RPH3AL: variants seen among roughly 807,000 people sequenced by gnomAD.
RPH3AL encodes rabphilin 3A like (without C2 domains).
A neutral mutation model predicts 43.1 loss-of-function variants in RPH3AL; 38 were observed. The ratio of observed to expected loss-of-function variants is 0.88; its 90% CI spans 0.68 to 1.15. The LOEUF (loss-of-function observed/expected upper bound fraction) is 1.15, where lower values mean the gene tolerates loss of function less well. Ranked by LOEUF, RPH3AL falls within the 50% of genes most tolerant of loss-of-function variation. The pLI is 0.00. For synonymous variants in RPH3AL, 189 were observed against 176.3 expected, an observed-to-expected ratio of 1.07 and a Z score of -0.57; for missense variants, 462 against 423.2, an observed-to-expected ratio of 1.09 and a Z score of -0.81.
chr17:282,374 C>T (rs1292840301), intron 5 of RPH3AL, among the ~76,000 whole-genome samples: 1 of 152,196 alleles, frequency 6.6e-6, no homozygotes, highest in East Asian at 1.9e-4. Context: ...TTTGGGCCCA[C>T]GTTATAGGTG....
At chr17:252,443 T>C (rs781802292) in intron 6 of RPH3AL, among the ~76,000 whole-genome samples, 3 of 152,098 alleles carry the variant, frequency 2.0e-5, no homozygotes, top group Non-Finnish European at 2.9e-5. Context: ...ACACTATTTG[T>C]TTTTTGTTTT....
Position 253,428 on chromosome 17 carries a change from G to C in RPH3AL, c.439-6143C>G, listed in dbSNP as rs556684692. On this transcript the variant is annotated intron_variant, in intron 6 of 9. Transcript: ENST00000331302. ...CCTCATCTGTGCCAGTGAGTCCTCA[G>C]CTCATGGACTTCCGAGCTGCTCCTT... Among the ~76,000 whole-genome samples the C allele has an allele frequency of 7.2e-5, 11 of 152,334 alleles. No homozygotes were observed. The South Asian group carries it at 1.9e-3, about 26-fold the overall frequency.
At chr17:280,109 C>A (rs1047117569) in intron 6 of RPH3AL, among the ~76,000 whole-genome samples, 10 of 152,230 alleles carry the variant, frequency 6.6e-5, no homozygotes, top group African/African-American at 2.4e-4. Context: ...AGATCTATAT[C>A]TCCATGGATC....
At position 314,490 on chromosome 17, in the gene RPH3AL, GTCCCTAT is replaced by G. The variant is rs1567507011; in HGVS notation, c.351+4923_351+4929del. ...ATGCCCCCACCTCCATTGACCTGTA[GTCCCTAT>G]ACTCCACGTCCATTGACCTGTAGTC... On this transcript the variant is annotated intron_variant, in intron 5 of 9. Transcript: ENST00000331302. Among the ~76,000 whole-genome samples the G allele has an allele frequency of 7.5e-4, 102 of 136,830 alleles. 1 individual carries two copies. The highest frequency in any genetic ancestry group is 3.9e-3 in the Middle Eastern group (1 of 254). 89.8% of individuals were successfully genotyped at this position (136,830 alleles called of 152,430 possible). A position where few individuals can be genotyped will look rare whatever the true frequency, so the allele number is the denominator to read the frequency against.
intron 5 of RPH3AL, among the ~76,000 whole-genome samples, chr17:317,088 A>G (rs2044271967): frequency 7.5e-6 from 1 of 132,660 alleles, no homozygotes; most frequent in Admixed American, 7.9e-5. Flanking sequence ...TCTGTGCTCC[A>G]CCTCCAGTGA....
In RPH3AL at chr17:297,541, C is replaced by T. The variant is rs78231248; in HGVS notation, c.352-15687G>A. 1.3e-3 allele frequency among the ~76,000 whole-genome samples: 199 copies of T among 152,330 alleles called. 1 individual carries two copies. The highest frequency in any genetic ancestry group is 2.1e-3 in the Non-Finnish European group (144 of 68,030). ...TGAGCACAGCCCACTGGAGAATGTG[C>T]TGCGGATCGGGCGTGGGTGGGAGAA... On this transcript the variant is annotated intron_variant, in intron 5 of 9. Coordinates refer to ENST00000331302, the MANE Select transcript of RPH3AL (RefSeq NM_006987.4).
intron 6 of RPH3AL, among the ~76,000 whole-genome samples, chr17:276,112 G>A (rs925765479): frequency 1.3e-5 from 2 of 152,152 alleles, no homozygotes; most frequent in African/African-American, 2.4e-5. Context: ...GAGACAGTTG[G>A]GAGCACCAAT....
At chr17:242,713 CCTTCCTCTATTGACTA>C (rs1567576818) in intron 7 of RPH3AL, among the ~76,000 whole-genome samples, 503 of 39,122 alleles carry the variant, frequency 0.013, 12 homozygotes, top group South Asian at 0.027. Flanking sequence ...CTATTGATTA[CCTTCCTCTATTGACTA>C]CCTTCCTCTA....
At chr17:239,652 G>A (rs1355893520) in intron 7 of RPH3AL, among the ~76,000 whole-genome samples, 3 of 151,812 alleles carry the variant, frequency 2.0e-5, no homozygotes, top group Non-Finnish European at 2.9e-5. Flanking sequence ...GAGAGATAGG[G>A]GTCTCACTCT....
chr17:333,271 G>A lies in RPH3AL; in HGVS notation c.-37+488C>T, dbSNP rs2044850904. On this transcript the variant is annotated intron_variant, in intron 2 of 9. Coordinates refer to ENST00000331302, the MANE Select transcript of RPH3AL (RefSeq NM_006987.4). The surrounding 1 kb of genome is among the most constrained non-coding windows in gnomAD (Gnocchi z 4.5). Reference sequence around the variant, plus strand: ...CTGCAGACACAGAGACGGCCATTATGCAGCCTCACGTGGTCACTCCTGGGG... The same window carrying A: ...CTGCAGACACAGAGACGGCCATTATACAGCCTCACGTGGTCACTCCTGGGG... 25 of 1,287,052 alleles carry A rather than the reference G, an allele frequency of 1.9e-5. 1 individual carries two copies. The South Asian group carries it at 2.8e-4, about 15-fold the overall frequency. The allele number at this position is 1,287,052 out of a possible 1,614,324, so 79.7% of individuals were successfully genotyped here. A position where few individuals can be genotyped will look rare whatever the true frequency, so the allele number is the denominator to read the frequency against.
intron 7 of RPH3AL, among the ~76,000 whole-genome samples, chr17:230,567 C>T (rs893198469): frequency 1.3e-5 from 2 of 152,200 alleles, no homozygotes; most frequent in African/African-American, 2.4e-5. Context: ...TCCTCTGGGG[C>T]CAGGACCATC....
intron 7 of RPH3AL, among the ~76,000 whole-genome samples, chr17:229,401 C>T (rs1481284891): frequency 1.3e-5 from 2 of 152,198 alleles, no homozygotes; most frequent in Non-Finnish European, 1.5e-5. Flanking sequence ...GACAGGAAAC[C>T]GCACTGTACA....
rs1277502561 is a variant in RPH3AL, at chr17:322,560, G to A, written c.78-1145C>T. On this transcript the variant is annotated intron_variant, in intron 3 of 9. Transcript: ENST00000331302. The surrounding 1 kb of genome is among the most constrained non-coding windows in gnomAD (Gnocchi z 4.0). ...CTGCTTGGTGGGACGTGCAGGTGGG[G>A]TCAGGAAGTGGATAAATAAGAGAAT... The A allele has an allele frequency of 6.6e-5, 10 of 152,230 alleles. No homozygotes were observed. Among genetic ancestry groups the A allele is most frequent in the South Asian group, 2.1e-4 (1 of 4,832 alleles). The allele number at this position is 152,230 out of a possible 1,614,324, so 9.4% of individuals were successfully genotyped here. A position where few individuals can be genotyped will look rare whatever the true frequency, so the allele number is the denominator to read the frequency against.
At chr17:327,670 A>G in intron 2 of RPH3AL, 91 bp from the exon 3 acceptor site, 1 of 737,758 alleles carries the variant, frequency 1.4e-6, no homozygotes, top group Admixed American at 2.1e-5. Flanking sequence ...GCCCCTCCAC[A>G]CCATCTCCAT....
intron 5 of RPH3AL, among the ~76,000 whole-genome samples, chr17:301,115 T>C (rs918066734): frequency 1.3e-5 from 2 of 152,260 alleles, no homozygotes; most frequent in African/African-American, 4.8e-5. Context: ...GGCTGGGTGC[T>C]ACCTCTCACT....
intron 6 of RPH3AL, among the ~76,000 whole-genome samples, chr17:262,429 T>C (rs1230094209): frequency 6.6e-6 from 1 of 152,162 alleles, no homozygotes; most frequent in Non-Finnish European, 1.5e-5. Flanking sequence ...TTCGCCGGGC[T>C]GGTCTTGAAC....
chr17:243,581 C>A (rs928008377), intron 7 of RPH3AL, among the ~76,000 whole-genome samples: 1 of 138,354 alleles, frequency 7.2e-6, no homozygotes, highest in Non-Finnish European at 1.5e-5. Flanking sequence ...ACTGATTACC[C>A]TTCCTCTATT....
At chr17:272,939 A>AGAGACCCCAGCGAGGGCGACGTCAGGGT (rs2042514468) in intron 6 of RPH3AL, among the ~76,000 whole-genome samples, 1 of 121,752 alleles carries the variant, frequency 8.2e-6, no homozygotes, top group African/African-American at 3.1e-5. Flanking sequence ...GACATCAGGG[A>AGAGACCCCAGCGAGGGCGACGTCAGGGT]GAGACCCCAG....
intron 1 of RPH3AL, among the ~76,000 whole-genome samples, chr17:346,764 C>G (rs1460312570): frequency 7.4e-6 from 1 of 135,230 alleles, no homozygotes; most frequent in Non-Finnish European, 1.7e-5. Context: ...TATAAGAAAA[C>G]AAACAACAGA....
Sources: gnomAD v4.1 joint callset for allele counts (sites outside exome capture counted in the v4.1 genomes callset) on GRCh38, gnomAD v4.1.1 for gene constraint, Gnocchi (gnomAD v3.1) non-coding constraint, MANE v1.5 for transcripts, NCBI Gene and HGNC (gene_info 2026-07-23, HGNC 2026-07-21) for gene names.